VSX1: variants seen among roughly 807,000 people sequenced by gnomAD.
VSX1 encodes homeodomain protein RINX.
In VSX1, 23 loss-of-function variants were observed where a neutral mutation model predicts 23.6. The ratio of observed to expected loss-of-function variants is 0.97; its 90% confidence interval spans 0.70 to 1.38. The LOEUF (loss-of-function observed/expected upper bound fraction) is 1.38, where lower values mean the gene tolerates loss of function less well. Among genes scored for constraint, VSX1 ranks in the 40% most tolerant of loss-of-function variants. The pLI is 0.00. For missense variants in VSX1, 517 were observed against 495.4 expected (o/e 1.04, Z -0.41); for synonymous variants, 247 against 215.1 (o/e 1.15, Z -1.30).
chr20:25,071,577 C>G (rs1371977703), downstream of VSX1: 5 of 475,134 alleles, frequency 1.1e-5, no homozygotes, highest in Non-Finnish European at 2.1e-5. Flanking sequence ...AACAGATAAT[C>G]TTGAGTAGAA....
Position 25,078,668 on chromosome 20 carries a change from TA to T in VSX1, c.627+160del, listed in dbSNP as rs1383919994. 5.0e-6 allele frequency: 8 copies of T among 1,590,632 alleles called. No homozygotes were observed. The Admixed American group carries it at 5.3e-5, about 10-fold the overall frequency. On this transcript the variant is annotated intron_variant, in intron 3 of 4. Transcript: ENST00000376709. The stretch of plus-strand genomic sequence containing the variant: ...AAAATGAAAAAAGGCATGAGGGTCA[TA>T]GGGGCAAGCTCTTGTGGTGCCTTCA...
At position 25,078,715 on chromosome 20, in the gene VSX1, T is replaced by C. The variant is rs767157189; in HGVS notation, c.627+114A>G. 1.1e-5 allele frequency: 17 copies of C among 1,612,304 alleles called. No individual in the cohort carries two copies. In the South Asian group the frequency reaches 1.9e-4, roughly 18 times the overall value. ...CTTCAGCTAAGGGACCCTCAGTTTC[T>C]ATGCAAAGGGAGCGTGTTGGCTATA... On this transcript the variant is annotated intron_variant, in intron 3 of 4. Coordinates refer to ENST00000376709, the MANE Select transcript of VSX1 (RefSeq NM_014588.6).
intron 2 of VSX1, 57 bp downstream of exon 2, chr20:25,079,379 A>G: frequency 4.6e-6 from 7 of 1,522,768 alleles, no homozygotes; most frequent in Non-Finnish European, 6.2e-6. Flanking sequence ...CAGGTGCCAT[A>G]AACCTTGGGC....
At chr20:25,072,463 C>G, downstream of VSX1, 1 of 461,954 alleles carries the variant, frequency 2.2e-6, no homozygotes. Context: ...TTTGTCCCCC[C>G]AGGCCGATAC....
rs749663315 is a variant in VSX1, at chr20:25,077,778, C to T, written c.715G>A (p.Gly239Arg). ...GGGATGCAGTGGCGCACCATGGCCC[C>T]GTACAGCCCGTACTCGGCCATCACG... Reference protein sequence around the residue: ...SSVMAEYGLYGAMVRHCIPLP... With the variant: ...SSVMAEYGLYRAMVRHCIPLP... The change falls in exon 4 of 5, where the codon GGG becomes AGG. Residue 239 changes from glycine (G) to arginine (R), a missense_variant. Physicochemically the swap from Gly to Arg is moderately radical, Grantham distance 125. Transcript: ENST00000376709. 1 of 1,551,014 alleles carries T rather than the reference C, an allele frequency of 6.4e-7. No individual in the cohort carries two copies. Among genetic ancestry groups the T allele is most frequent in the Admixed American group, 2.0e-5 (1 of 51,012 alleles).
At chr20:25,074,937 G>C (rs1313776834), downstream of VSX1, among the ~76,000 whole-genome samples, 1 of 152,216 alleles carries the variant, frequency 6.6e-6, no homozygotes, top group Non-Finnish European at 1.5e-5. Flanking sequence ...CATTATGGGT[G>C]CAGTCTCAGG....
chr20:25,072,360 C>A (rs147839377), downstream of VSX1, among the ~76,000 whole-genome samples: 133 of 152,304 alleles, frequency 8.7e-4, no homozygotes, highest in African/African-American at 2.8e-3. Context: ...CAGTAACTTA[C>A]CAAAAAGCCA....
At position 25,082,037 on chromosome 20, in the gene VSX1, G is replaced by T. The variant is rs776758064; in HGVS notation, c.60C>A (p.Gly20=). The part of the protein sequence containing the change: ...GRTSSRALVP[G]GSPRGSRPRG... The stretch of plus-strand genomic sequence containing the variant: ...GGGGGCGCGAGCCCCTAGGGGAACC[G>T]CCAGGCACCAGCGCCCTGCTGCTAG... Residue 20 remains glycine, a synonymous_variant, in exon 1 of 5, where the codon GGC becomes GGA. Transcript: ENST00000376709. 3.3e-6 allele frequency: 5 copies of T among 1,537,322 alleles called. No individual in the cohort carries two copies. Among genetic ancestry groups the T allele is most frequent in the African/African-American group, 2.7e-5 (2 of 73,370 alleles).
intron 3 of VSX1, 81 bp downstream of exon 3, chr20:25,078,748 G>C: frequency 6.2e-7 from 1 of 1,614,084 alleles, no homozygotes; most frequent in Non-Finnish European, 8.5e-7. Context: ...ATAGAGAAGG[G>C]ACTGCTGATT....
intron 1 of VSX1, 122 bp from the exon 2 acceptor site, chr20:25,079,636 C>G (rs2089598198): frequency 9.8e-7 from 1 of 1,018,740 alleles, no homozygotes; most frequent in African/African-American, 1.6e-5. Context: ...ACAGTATGAG[C>G]CAGCATTTTT....
At chr20:25,071,790 G>A, downstream of VSX1, 1 of 704,320 alleles carries the variant, frequency 1.4e-6, no homozygotes. Context: ...CACATGGGGT[G>A]CCCTGCAGGG....
intron 3 of VSX1, chr20:25,078,074 CTCACGGGCAT>C: frequency 1.6e-6 from 1 of 634,254 alleles, no homozygotes; most frequent in Non-Finnish European, 2.7e-6. Flanking sequence ...GCGGTCCGGA[CTCACGGGCAT>C]TCAACGCAGT....
At chr20:25,070,934 G>A (rs923804364), downstream of VSX1, 3 of 436,928 alleles carry the variant, frequency 6.9e-6, no homozygotes, top group African/African-American at 2.0e-5. Context: ...GAATGAAAAG[G>A]AGGAAGTACT....
chr20:25,078,136 C>A, intron 3 of VSX1: 1 of 547,178 alleles, frequency 1.8e-6, no homozygotes, highest in African/African-American at 1.9e-5. Flanking sequence ...TCCATAGAGT[C>A]AGGAATGAAA....
At chr20:25,071,780 C>T (rs1321795892), downstream of VSX1, 1 of 701,398 alleles carries the variant, frequency 1.4e-6, no homozygotes, top group African/African-American at 1.8e-5. Flanking sequence ...GAATTCCTTG[C>T]ACATGGGGTG....
downstream of VSX1, among the ~76,000 whole-genome samples, chr20:25,074,932 T>C (rs1296717941): frequency 6.6e-6 from 1 of 152,242 alleles, no homozygotes; most frequent in Non-Finnish European, 1.5e-5. Flanking sequence ...CTGCTCATTA[T>C]GGGTGCAGTC....
At position 25,081,706 on chromosome 20, in the gene VSX1, G is replaced by A. The variant is rs6050307; in HGVS notation, c.391C>T (p.Arg131Cys). The change falls in exon 1 of 5, where the codon CGC becomes TGC. Residue 131 changes from arginine to cysteine, a missense_variant. By Grantham distance (180) the Arg-to-Cys change is radical. Transcript: ENST00000376709. ...GAGACGCTGTCGCTGCGCTTCTGGCGGCCGAGCGCAGGCGGCGGACGGCTG... is the reference window on the plus strand; with the variant it reads ...GAGACGCTGTCGCTGCGCTTCTGGCAGCCGAGCGCAGGCGGCGGACGGCTG... Reference protein sequence around the residue: ...APSRPPPALGRQKRSDSVSTS... With the variant: ...APSRPPPALGCQKRSDSVSTS... The A allele has an allele frequency of 4.0e-6, 6 of 1,505,266 alleles. No homozygotes were observed. Among genetic ancestry groups the A allele is most frequent in the Admixed American group, 2.1e-5 (1 of 47,416 alleles). The allele number at this position is 1,505,266 out of a possible 1,614,324, so 93.2% of individuals were successfully genotyped here. A position where few individuals can be genotyped will look rare whatever the true frequency, so the allele number is the denominator to read the frequency against.
downstream of VSX1, among the ~76,000 whole-genome samples, chr20:25,073,164 AT>A (rs1009772297): frequency 2.0e-5 from 3 of 152,158 alleles, no homozygotes; most frequent in African/African-American, 7.2e-5. Flanking sequence ...TTCATATGAT[AT>A]TTTTAAAAGC....
chr20:25,074,072 C>A (rs1262287748), downstream of VSX1, among the ~76,000 whole-genome samples: 1 of 152,154 alleles, frequency 6.6e-6, no homozygotes, highest in Admixed American at 6.5e-5. Context: ...GATAAACTTT[C>A]TCGTTTGATT....
Sources: allele counts gnomAD v4.1 joint callset (sites outside exome capture counted in the v4.1 genomes callset), GRCh38; gene constraint gnomAD v4.1.1; transcripts MANE v1.5; gene names NCBI Gene and HGNC (gene_info 2026-07-23, HGNC 2026-07-21).